RPL26: variants seen among roughly 807,000 people sequenced by gnomAD.
The protein encoded by RPL26 is ribosomal protein L26.
RPL26 carries 1 observed loss-of-function variant against 16.2 expected under a neutral mutation model. The observed-to-expected ratio is 0.06, with a 90% CI of 0.02 to 0.29. The LOEUF is 0.29. Ranked by LOEUF, RPL26 falls within the 10% of genes least tolerant of loss-of-function variation. The pLI is 1.00. For missense variants in RPL26, 102 were observed against 184.3 expected (o/e 0.55, Z 2.58); for synonymous variants, 55 against 62.4 (o/e 0.88, Z 0.56).
chr17:8,380,189 C>G, intron 2 of RPL26: 1 of 409,666 alleles, frequency 2.4e-6, no homozygotes, highest in Non-Finnish European at 4.3e-6. Flanking sequence ...AGGGCAGCAA[C>G]AAATGCTTAA....
rs536418807 is a variant in RPL26 at position 8,383,060 on chromosome 17, G to C, written c.-6+97C>G. 2.3e-5 allele frequency: 9 copies of C among 398,592 alleles called. No homozygotes were observed. In the South Asian group the frequency reaches 3.8e-4, roughly 17 times the overall value. The allele number at this position is 398,592 out of a possible 1,614,324, so 24.7% of individuals were successfully genotyped here. A position where few individuals can be genotyped will look rare whatever the true frequency, so the allele number is the denominator to read the frequency against. Reference sequence around the variant, plus strand: ...AGTCTCTCCTTCCTGGCTGCTACTCGGCCGACAAGAGACTCTCGGGGTCCC... The same window carrying C: ...AGTCTCTCCTTCCTGGCTGCTACTCCGCCGACAAGAGACTCTCGGGGTCCC... On this transcript the variant is annotated intron_variant, in intron 1 of 3. Coordinates refer to ENST00000648839, the MANE Select transcript of RPL26 (RefSeq NM_000987.5).
chr17:8,377,770 C>T (rs1300621675), intron 3 of RPL26, 78 bp from the exon 4 acceptor site: 1 of 1,379,764 alleles, frequency 7.2e-7, no homozygotes, highest in Non-Finnish European at 9.7e-7. Context: ...ACATTCAATA[C>T]CATTTCCCAA....
Position 8,377,583 on chromosome 17 carries a change from A to G in RPL26, c.419T>C (p.Ile140Thr). The G allele has an allele frequency of 6.3e-7, 1 of 1,596,676 alleles. No individual in the cohort carries two copies. Among genetic ancestry groups the G allele is most frequent in the Non-Finnish European group, 8.5e-7 (1 of 1,177,768 alleles). ...KEKGKYKEET[I>T]EKMQE is the part of the protein sequence containing the mutation. ...ATTACTTTATTCCTGCATCTTCTCA[A>G]TGGTTTCTTCCTTGTATTTGCCCTT... Residue 140 changes from isoleucine (I) to threonine (T), a missense_variant, in exon 4 of 4, where the codon ATT becomes ACT. Coordinates refer to ENST00000648839, the MANE Select transcript of RPL26 (RefSeq NM_000987.5).
At chr17:8,380,215 C>A (rs1907347802) in intron 2 of RPL26, 2 of 345,182 alleles carry the variant, frequency 5.8e-6, no homozygotes, top group Non-Finnish European at 1.0e-5. Context: ...CAAACCAATT[C>A]TTTCCCAAAG....
At chr17:8,382,672 T>G (rs1042330878) in intron 1 of RPL26, 19 of 294,456 alleles carry the variant, frequency 6.5e-5, no homozygotes, top group Admixed American at 2.5e-4. Flanking sequence ...CGCAATTCTC[T>G]TAACTATAAC....
intron 2 of RPL26, chr17:8,381,288 C>T (rs191784905): frequency 4.6e-5 from 7 of 152,288 alleles, no homozygotes; most frequent in Admixed American, 1.3e-4. Context: ...TCTGGTCTCT[C>T]GTTCTGGCTC....
Position 8,382,354 on chromosome 17 carries a change from TCTC to T in RPL26, c.-5-42_-5-40del, listed in dbSNP as rs537795350. The stretch of plus-strand genomic sequence containing the variant: ...TAAAAAGACTCTTAAATGACCAAAA[TCTC>T]ATCCAGCTTCCAAACAAATAACCGC... On this transcript the variant is annotated intron_variant, in intron 1 of 3. Coordinates refer to ENST00000648839, the MANE Select transcript of RPL26 (RefSeq NM_000987.5). The T allele has an allele frequency of 3.1e-4, 441 of 1,429,564 alleles. 2 individuals are homozygous for T. In the African/African-American group the frequency reaches 5.4e-3, roughly 18 times the overall value. The allele number at this position is 1,429,564 out of a possible 1,614,324, so 88.6% of individuals were successfully genotyped here.
chr17:8,381,279 C>T (rs1907397864), intron 2 of RPL26: 1 of 152,168 alleles, frequency 6.6e-6, no homozygotes, highest in Non-Finnish European at 1.5e-5. Flanking sequence ...GTAGTTAACT[C>T]TGGTCTCTCG....
intron 2 of RPL26, 47 bp from the exon 3 acceptor site, chr17:8,379,983 C>A: frequency 6.6e-7 from 1 of 1,523,872 alleles, no homozygotes. Context: ...AAAGATTAAC[C>A]TTGTAAATCA....
At position 8,379,901 on chromosome 17, in the gene RPL26, G is replaced by C. The variant is rs1444231030; in HGVS notation, c.204C>G (p.Gly68=). 1 of 1,613,532 alleles carries C rather than the reference G, an allele frequency of 6.2e-7. No homozygotes were observed. Among genetic ancestry groups the C allele is most frequent in the Admixed American group, 1.7e-5 (1 of 59,964 alleles). ...TCTTCCTGTAAACCTGGACTACTTT[G>C]CCAATTTGCTGACCTTTATAGTGTC... is the stretch of plus-strand genomic sequence containing the variant. ...VRGHYKGQQI[G]KVVQVYRKKY... is the part of the protein sequence containing the mutation. The change falls in exon 3 of 4, where the codon GGC becomes GGG. Residue 68 remains glycine (G), a synonymous_variant. Transcript: ENST00000648839.
At chr17:8,381,485 C>T (rs761155997) in intron 2 of RPL26, among the ~76,000 whole-genome samples, 15 of 152,272 alleles carry the variant, frequency 9.9e-5, no homozygotes, top group Non-Finnish European at 2.1e-4. Flanking sequence ...AACTGATTTT[C>T]GGGCAGGATC....
chr17:8,377,732 TA>T (rs1907212758), intron 3 of RPL26, 40 bp from the exon 4 acceptor site: 1 of 1,577,442 alleles, frequency 6.3e-7, no homozygotes. Flanking sequence ...AAGCTTTAAA[TA>T]ATCACTAAAA....
chr17:8,380,082 T>G (rs1348468578), intron 2 of RPL26, 146 bp from the exon 3 acceptor site: 2 of 623,152 alleles, frequency 3.2e-6, no homozygotes, highest in South Asian at 4.5e-5. Context: ...TGTAAGAAGT[T>G]GACAACAAGG....
At chr17:8,383,068 A>G (rs1907504056) in intron 1 of RPL26, 89 bp downstream of exon 1, 2 of 398,638 alleles carry the variant, frequency 5.0e-6, no homozygotes, top group Non-Finnish European at 8.8e-6. Flanking sequence ...TCGGCCGACA[A>G]GAGACTCTCG....
At chr17:8,377,755 G>A in intron 3 of RPL26, 63 bp from the exon 4 acceptor site, 1 of 1,484,012 alleles carries the variant, frequency 6.7e-7, no homozygotes. Context: ...ACAAGGGAAA[G>A]CCCAACATTC....
rs409445 is a variant in RPL26 at position 8,380,061 on chromosome 17, C to G, written c.169-125G>C. ...TTAAAAGGTTAAAAAAAAGAGCCCA[C>G]TTCGGCAACCTGTAAGAAGTTGACA... On this transcript the variant is annotated intron_variant, in intron 2 of 3. Transcript: ENST00000648839. 173,877 of 721,088 alleles carry G rather than the reference C, an allele frequency of 0.24. 21,451 individuals are homozygous for G. Among genetic ancestry groups the G allele is most frequent in the Non-Finnish European group, 0.27 (120,424 of 446,772 alleles). 44.7% of individuals were successfully genotyped at this position (721,088 alleles called of 1,614,324 possible).
intron 1 of RPL26, 91 bp downstream of exon 1, chr17:8,383,066 C>A (rs1224822355): frequency 5.0e-6 from 2 of 398,524 alleles, no homozygotes. Context: ...ACTCGGCCGA[C>A]AAGAGACTCT....
At chr17:8,377,767 A>G in intron 3 of RPL26, 75 bp from the exon 4 acceptor site, 2 of 1,407,996 alleles carry the variant, frequency 1.4e-6, no homozygotes, top group South Asian at 3.0e-5. Flanking sequence ...CCAACATTCA[A>G]TACCATTTCC....
chr17:8,378,973 A>T (rs933067154), intron 3 of RPL26, among the ~76,000 whole-genome samples: 81 of 152,198 alleles, frequency 5.3e-4, no homozygotes, highest in African/African-American at 1.6e-3. Flanking sequence ...GCAGGAGATT[A>T]TCAAGTTTCA....
Sources: gnomAD v4.1 joint callset for allele counts (sites outside exome capture counted in the v4.1 genomes callset) on GRCh38, gnomAD v4.1.1 for gene constraint, MANE v1.5 for transcripts, NCBI Gene and HGNC (gene_info 2026-07-23, HGNC 2026-07-21) for gene names.